MED15: variants seen among roughly 807,000 people sequenced by gnomAD.
MED15 encodes mediator of RNA polymerase II transcription subunit 15.
A neutral mutation model predicts 118.7 loss-of-function variants in MED15; 41 were observed. The ratio of observed to expected loss-of-function variants is 0.35; its 90% CI spans 0.27 to 0.45. The LOEUF (loss-of-function observed/expected upper bound fraction) is 0.45. Ranked by LOEUF, MED15 falls within the 20% of genes least tolerant of loss-of-function variation. The pLI, the probability that MED15 is intolerant of heterozygous loss-of-function variation, is 1.00. For missense variants in MED15, 740 were observed against 1,025.5 expected (o/e 0.72, Z 3.80); for synonymous variants, 436 against 413.9 (o/e 1.05, Z -0.65).
chr22:20,575,037 C>A (rs936288748), intron 8 of MED15, 76 bp from the exon 9 acceptor site: 3 of 1,592,576 alleles, frequency 1.9e-6, no homozygotes, highest in Non-Finnish European at 2.6e-6. Context: ...AGAGGCTACA[C>A]GTGCCCTCTC....
At chr22:20,533,446 C>A (rs2054932170) in intron 1 of MED15, among the ~76,000 whole-genome samples, 1 of 152,240 alleles carries the variant, frequency 6.6e-6, no homozygotes, top group Admixed American at 6.5e-5. Flanking sequence ...GTTGTCAGAA[C>A]TGCAAAACCA....
chr22:20,532,453 T>A (rs1419087921), intron 1 of MED15, among the ~76,000 whole-genome samples: 4 of 152,200 alleles, frequency 2.6e-5, no homozygotes, highest in Non-Finnish European at 5.9e-5. Flanking sequence ...CAAGGGCCTG[T>A]AATGATGAAT....
intron 8 of MED15, among the ~76,000 whole-genome samples, chr22:20,570,746 C>CTTTTTTTTTTTTTTTTTTTT (rs61109389): frequency 6.1e-4 from 38 of 62,106 alleles, no homozygotes; most frequent in East Asian, 1.6e-3. Flanking sequence ...TTCTTTCTTT[C>CTTTTTTTTTTTTTTTTTTTT]TTTTTTTTTT....
chr22:20,539,732 T>G (rs780074717), intron 2 of MED15, among the ~76,000 whole-genome samples: 1 of 152,202 alleles, frequency 6.6e-6, no homozygotes, highest in Non-Finnish European at 1.5e-5. Context: ...CTCCTCATCC[T>G]CTCCAATACT....
chr22:20,582,554 G>A (rs1464492298), intron 9 of MED15, 57 bp from the exon 10 acceptor site: 3 of 1,535,062 alleles, frequency 2.0e-6, no homozygotes, highest in South Asian at 1.2e-5. Context: ...GGCAGGTGGT[G>A]TGGAGGCAGG....
At chr22:20,512,953 G>T (rs2054125733) in intron 1 of MED15, among the ~76,000 whole-genome samples, 1 of 151,940 alleles carries the variant, frequency 6.6e-6, no homozygotes, top group East Asian at 1.9e-4. Flanking sequence ...TGTTGGTCAG[G>T]CTGGTCTCGA....
At chr22:20,521,790 A>G (rs1220246721) in intron 1 of MED15, among the ~76,000 whole-genome samples, 1 of 150,410 alleles carries the variant, frequency 6.6e-6, no homozygotes, top group Non-Finnish European at 1.5e-5. Flanking sequence ...TGGTGGCTCA[A>G]TCTCACCTCA....
At chr22:20,583,466 A>G (rs1275692676) in intron 13 of MED15, 73 bp downstream of exon 13, 5 of 1,565,840 alleles carry the variant, frequency 3.2e-6, no homozygotes, top group South Asian at 2.2e-5. Context: ...GCACTTGGTG[A>G]TGATGTGGGT....
At chr22:20,547,218 G>T (rs1266173857) in intron 2 of MED15, among the ~76,000 whole-genome samples, 10 of 152,044 alleles carry the variant, frequency 6.6e-5, no homozygotes, top group Non-Finnish European at 1.5e-4. Context: ...AGTTCTAATT[G>T]TCCTTAAAAT....
intron 1 of MED15, among the ~76,000 whole-genome samples, chr22:20,532,727 T>G (rs1601498640): frequency 6.6e-6 from 1 of 152,182 alleles, no homozygotes; most frequent in South Asian, 2.1e-4. Context: ...GGTGGCCGCC[T>G]CATAGGCCTG....
rs555687636 is a variant in MED15 at position 20,512,098 on chromosome 22, C to G, written c.68+4352C>G. 2.2e-3 allele frequency among the ~76,000 whole-genome samples: 330 copies of G among 149,300 alleles called. 1 individual carries two copies. Among genetic ancestry groups the G allele is most frequent in the African/African-American group, 7.6e-3 (306 of 40,276 alleles). On this transcript the variant is annotated intron_variant, in intron 1 of 17. Transcript: ENST00000263205. Reference sequence around the variant, plus strand: ...TGACCTCCCAGGGTCAAACGATCCTCCCACTGTAGCCTTCTGAGTAGCTGG... The same window carrying G: ...TGACCTCCCAGGGTCAAACGATCCTGCCACTGTAGCCTTCTGAGTAGCTGG...
chr22:20,529,692 C>T (rs1018152941), intron 1 of MED15, among the ~76,000 whole-genome samples: 2 of 152,170 alleles, frequency 1.3e-5, no homozygotes, highest in Admixed American at 6.5e-5. Flanking sequence ...CTTTGCCTCC[C>T]GGGTTCAAGC....
chr22:20,518,230 C>T (rs2054323013), intron 1 of MED15, among the ~76,000 whole-genome samples: 1 of 152,184 alleles, frequency 6.6e-6, no homozygotes, highest in Admixed American at 6.5e-5. Context: ...CGCCCTGTCG[C>T]CCAGGCTTGC....
intron 1 of MED15, among the ~76,000 whole-genome samples, chr22:20,522,409 A>C (rs2146376307): frequency 6.6e-6 from 1 of 152,266 alleles, no homozygotes; most frequent in East Asian, 1.9e-4. Flanking sequence ...TGCACGCTGA[A>C]ATTTACTGGG....
chr22:20,557,219 C>T (rs2056050104), intron 5 of MED15, among the ~76,000 whole-genome samples: 1 of 152,138 alleles, frequency 6.6e-6, no homozygotes, highest in Non-Finnish European at 1.5e-5. Flanking sequence ...GAGCTGGGAT[C>T]GAAGCTGCTG....
chr22:20,516,878 C>G (rs2054274710), intron 1 of MED15, among the ~76,000 whole-genome samples: 1 of 152,152 alleles, frequency 6.6e-6, no homozygotes, highest in Non-Finnish European at 1.5e-5. Flanking sequence ...CATATACGCA[C>G]CACTCTGCTT....
intron 8 of MED15, among the ~76,000 whole-genome samples, chr22:20,568,861 A>G (rs2146606231): frequency 6.6e-6 from 1 of 152,296 alleles, no homozygotes; most frequent in Middle Eastern, 3.4e-3. Flanking sequence ...TGTCGTTTCC[A>G]GCTTTGCTCG....
intron 2 of MED15, among the ~76,000 whole-genome samples, chr22:20,544,697 C>A (rs1279796335): frequency 1.3e-5 from 2 of 151,764 alleles, no homozygotes; most frequent in African/African-American, 4.8e-5. Flanking sequence ...AATTTAATCT[C>A]ACAGTTTTCA....
chr22:20,583,289 CA>C (rs1489399405), intron 12 of MED15, 40 bp from the exon 13 acceptor site: 2 of 1,613,372 alleles, frequency 1.2e-6, no homozygotes, highest in Admixed American at 3.3e-5. Flanking sequence ...CTGGGGACAC[CA>C]CCAGGCTTGT....
Sources: allele counts gnomAD v4.1 joint callset (sites outside exome capture counted in the v4.1 genomes callset), GRCh38; gene constraint gnomAD v4.1.1; transcripts MANE v1.5; gene names NCBI Gene and HGNC (gene_info 2026-07-23, HGNC 2026-07-21).